The following CDK14 variants were observed in gnomAD, a reference collection of about 807,000 sequenced individuals.
CDK14 encodes the protein cyclin dependent kinase 14, also known as cyclin-dependent kinase 14.
CDK14 carries 34 observed loss-of-function variants against 60.7 expected under a neutral mutation model. The observed-to-expected ratio is 0.56, with a 90% confidence interval of 0.43 to 0.75. CDK14 has a LOEUF of 0.75. Ranked by LOEUF, CDK14 falls within the 30% of genes least tolerant of loss-of-function variation. The pLI is 0.00. For synonymous variants in CDK14, 197 were observed against 203.7 expected (o/e 0.97, Z 0.28); for missense variants, 482 against 564.1 (o/e 0.85, Z 1.47).
intron 14 of CDK14, among the ~76,000 whole-genome samples, chr7:91,164,785 A>G (rs186936835): frequency 6.6e-5 from 10 of 152,290 alleles, no homozygotes; most frequent in African/African-American, 2.4e-4. Context: ...CCTGCTCTAC[A>G]CTGCCTGCCT....
intron 3 of CDK14, among the ~76,000 whole-genome samples, chr7:90,733,941 T>C (rs754214152): frequency 6.6e-6 from 1 of 152,240 alleles, no homozygotes; most frequent in Non-Finnish European, 1.5e-5. Flanking sequence ...TTACTGTGGC[T>C]GGTACTGGTT....
At chr7:90,679,299 A>G (rs1176717931) in intron 2 of CDK14, among the ~76,000 whole-genome samples, 1 of 152,234 alleles carries the variant, frequency 6.6e-6, no homozygotes, top group African/African-American at 2.4e-5. Flanking sequence ...TGATTGGCTT[A>G]AACTGTATTA....
At position 90,596,516 on chromosome 7, in the gene CDK14, G is replaced by C; in HGVS notation, c.-112G>C. The C allele has an allele frequency of 1.2e-6, 1 of 823,054 alleles. No homozygotes were observed. The highest frequency in any genetic ancestry group is 2.7e-5 in the East Asian group (1 of 37,094). 51.0% of individuals were successfully genotyped at this position (823,054 alleles called of 1,614,324 possible). A position where few individuals can be genotyped will look rare whatever the true frequency, so the allele number is the denominator to read the frequency against. Reference sequence around the variant, plus strand: ...CCTGCGCGTCGCTTCCCGGCCCGCCGAGGAGGTGGTGGAGGAGGAGGCGCC... The same window carrying C: ...CCTGCGCGTCGCTTCCCGGCCCGCCCAGGAGGTGGTGGAGGAGGAGGCGCC... On this transcript the variant is annotated 5_prime_UTR_variant, in exon 1 of 15. Coordinates refer to ENST00000380050, the MANE Select transcript of CDK14 (RefSeq NM_001287135.2).
At chr7:91,068,290 G>A (rs1798036682) in intron 11 of CDK14, among the ~76,000 whole-genome samples, 1 of 152,206 alleles carries the variant, frequency 6.6e-6, no homozygotes, top group Non-Finnish European at 1.5e-5. Context: ...AACAATGGAT[G>A]TTTGTAATCG....
chr7:90,887,838 A>G (rs551777377), intron 6 of CDK14, among the ~76,000 whole-genome samples: 4 of 152,304 alleles, frequency 2.6e-5, no homozygotes, highest in African/African-American at 4.8e-5. Context: ...ATATATTGTC[A>G]TGTATTTCAT....
At position 90,621,687 on chromosome 7, in the gene CDK14, G is replaced by GCCTTCCTT. The variant is rs1349799923; in HGVS notation, c.123+17451_123+17458dup. On this transcript the variant is annotated intron_variant, in intron 2 of 14. Transcript: ENST00000380050. ...TTCCTTCCTGCCTTCCTGCCTTCCT[G>GCCTTCCTT]CCTTCCTTCCTTCCTTCCTTTGCCA... 3.5e-3 allele frequency among the ~76,000 whole-genome samples: 460 copies of GCCTTCCTT among 132,210 alleles called. 3 individuals carry two copies. Among genetic ancestry groups the GCCTTCCTT allele is most frequent in the African/African-American group, 0.012 (427 of 35,638 alleles). 86.7% of individuals were successfully genotyped at this position (132,210 alleles called of 152,430 possible).
intron 10 of CDK14, among the ~76,000 whole-genome samples, chr7:91,037,773 A>T (rs182512119): frequency 2.0e-5 from 3 of 152,258 alleles, no homozygotes; most frequent in Admixed American, 2.0e-4. Flanking sequence ...CATATGCTGG[A>T]AGAGCAAAGG....
At chr7:90,743,884 A>C (rs1232616651) in intron 3 of CDK14, among the ~76,000 whole-genome samples, 1 of 151,850 alleles carries the variant, frequency 6.6e-6, no homozygotes, top group Non-Finnish European at 1.5e-5. Context: ...TCTTCTTAAT[A>C]GCATATTGCT....
chr7:90,764,051 G>A (rs1804437634), intron 4 of CDK14, among the ~76,000 whole-genome samples: 1 of 152,138 alleles, frequency 6.6e-6, no homozygotes, highest in Admixed American at 6.5e-5. Flanking sequence ...ATTGGAATAT[G>A]TTATTGTGGG....
intron 11 of CDK14, among the ~76,000 whole-genome samples, chr7:91,050,546 C>G (rs983085042): frequency 6.6e-6 from 1 of 152,168 alleles, no homozygotes; most frequent in Admixed American, 6.5e-5. Flanking sequence ...TTACACAAAA[C>G]TTAAGCTCAG....
chr7:91,171,756 TCTGCCTCAG>T (rs1462711730), intron 14 of CDK14, among the ~76,000 whole-genome samples: 1 of 152,072 alleles, frequency 6.6e-6, no homozygotes, highest in Non-Finnish European at 1.5e-5. Flanking sequence ...AAGCGATTCT[TCTGCCTCAG>T]CCTCCCAAGT....
At chr7:90,764,072 G>GTA (rs1303242091) in intron 4 of CDK14, among the ~76,000 whole-genome samples, 1 of 152,144 alleles carries the variant, frequency 6.6e-6, no homozygotes, top group Non-Finnish European at 1.5e-5. Context: ...ATCCAACTGA[G>GTA]TATTTAGAGC....
At chr7:90,840,670 G>A (rs1178291095) in intron 5 of CDK14, among the ~76,000 whole-genome samples, 1 of 152,158 alleles carries the variant, frequency 6.6e-6, no homozygotes, top group Non-Finnish European at 1.5e-5. Context: ...AGAGATGTAG[G>A]AATTCTGAGT....
intron 14 of CDK14, among the ~76,000 whole-genome samples, chr7:91,206,182 C>G (rs1031783005): frequency 2.6e-5 from 4 of 152,206 alleles, no homozygotes; most frequent in African/African-American, 9.7e-5. Context: ...GGGTGATGTC[C>G]TTGATGCCAC....
At chr7:91,146,146 T>G (rs1800630573) in intron 14 of CDK14, among the ~76,000 whole-genome samples, 1 of 152,096 alleles carries the variant, frequency 6.6e-6, no homozygotes, top group African/African-American at 2.4e-5. Flanking sequence ...GAACATATAC[T>G]TTGAAAAGGG....
chr7:90,767,277 T>A (rs1321189690), intron 4 of CDK14, among the ~76,000 whole-genome samples: 3 of 152,242 alleles, frequency 2.0e-5, no homozygotes, highest in African/African-American at 7.2e-5. Flanking sequence ...CTTGGCCTAT[T>A]TCTTGACCAA....
chr7:90,852,764 C>T (rs1250943943), intron 5 of CDK14, among the ~76,000 whole-genome samples: 2 of 152,146 alleles, frequency 1.3e-5, no homozygotes, highest in Non-Finnish European at 2.9e-5. Flanking sequence ...TGGCAGAGCT[C>T]GCTCAGGGCT....
intron 6 of CDK14, among the ~76,000 whole-genome samples, chr7:90,882,272 A>AG (rs1791785409): frequency 1.3e-5 from 2 of 151,400 alleles, no homozygotes; most frequent in Admixed American, 6.6e-5. Flanking sequence ...CAAAAAAAAA[A>AG]AAAAAAGCAG....
intron 13 of CDK14, among the ~76,000 whole-genome samples, chr7:91,117,674 G>A (rs1799649943): frequency 6.6e-6 from 1 of 152,162 alleles, no homozygotes; most frequent in Non-Finnish European, 1.5e-5. Context: ...TATAACAACA[G>A]GGATTTCCTT....
Sources: gnomAD v4.1 joint callset for allele counts (sites outside exome capture counted in the v4.1 genomes callset) on GRCh38, gnomAD v4.1.1 for gene constraint, MANE v1.5 for transcripts, NCBI Gene and HGNC (gene_info 2026-07-23, HGNC 2026-07-21) for gene names.